The following MYRIP variants were observed in gnomAD, a reference collection of about 807,000 sequenced individuals.
MYRIP encodes the protein rab effector MyRIP.
Under a neutral mutation model 98.0 loss-of-function variants are expected in MYRIP, and 49 were observed. That is an observed-to-expected ratio of 0.50 (90% CI 0.40 to 0.63). The LOEUF (loss-of-function observed/expected upper bound fraction) is 0.63, where lower values mean the gene tolerates loss of function less well. Among genes scored for constraint, MYRIP ranks in the 30% least tolerant of loss-of-function variants. The probability of loss-of-function intolerance (pLI) is 0.00; values close to 1 mark genes in which losing one functional copy is unlikely to be tolerated. For synonymous variants in MYRIP, 404 were observed against 409.5 expected (o/e 0.99, Z 0.16); for missense variants, 1,004 against 1,058.2 (o/e 0.95, Z 0.71).
At chr3:40,097,628 C>T (rs189547624) in intron 3 of MYRIP, among the ~76,000 whole-genome samples, 3 of 152,304 alleles carry the variant, frequency 2.0e-5, no homozygotes, top group East Asian at 1.9e-4. Flanking sequence ...CCTACACGCA[C>T]GAGATCTTTG....
intron 2 of MYRIP, among the ~76,000 whole-genome samples, chr3:39,955,090 G>A (rs1008830744): frequency 6.6e-6 from 1 of 152,148 alleles, no homozygotes; most frequent in Admixed American, 6.5e-5. Context: ...AACCAAGTTG[G>A]AAAACACTCT....
intron 3 of MYRIP, among the ~76,000 whole-genome samples, chr3:40,063,204 A>G (rs1227173302): frequency 6.6e-6 from 1 of 152,244 alleles, no homozygotes; most frequent in Non-Finnish European, 1.5e-5. Flanking sequence ...GACTAAGGAG[A>G]CATGACAGCT....
At chr3:40,116,474 T>C (rs1246042328) in intron 3 of MYRIP, among the ~76,000 whole-genome samples, 1 of 152,194 alleles carries the variant, frequency 6.6e-6, no homozygotes, top group Admixed American at 6.5e-5. Flanking sequence ...TTATCTCTCT[T>C]TCATTTTCCC....
intron 2 of MYRIP, among the ~76,000 whole-genome samples, chr3:40,031,101 A>G (rs916737251): frequency 2.6e-5 from 4 of 152,048 alleles, no homozygotes; most frequent in Non-Finnish European, 5.9e-5. Context: ...AAAGAAATGT[A>G]TTTCTCACAG....
chr3:39,881,762 G>A (rs1203108064), intron 1 of MYRIP, among the ~76,000 whole-genome samples: 2 of 151,904 alleles, frequency 1.3e-5, no homozygotes, highest in East Asian at 1.9e-4. Flanking sequence ...AGCTCTTACC[G>A]AACAAATAGC....
chr3:40,241,033 G>A (rs1282814956), intron 12 of MYRIP, among the ~76,000 whole-genome samples: 1 of 152,190 alleles, frequency 6.6e-6, no homozygotes, highest in African/African-American at 2.4e-5. Context: ...CCAGGGAACA[G>A]GGCAGGACAA....
chr3:39,843,062 G>T (rs35131455), intron 1 of MYRIP, among the ~76,000 whole-genome samples: 1 of 152,064 alleles, frequency 6.6e-6, no homozygotes, highest in South Asian at 2.1e-4. Flanking sequence ...TGTGAAACCC[G>T]CAGTGGATCA....
intron 2 of MYRIP, among the ~76,000 whole-genome samples, chr3:39,982,926 C>T (rs1945930861): frequency 6.6e-6 from 1 of 152,150 alleles, no homozygotes; most frequent in South Asian, 2.1e-4. Context: ...CCATAAATTT[C>T]AGTTGTGTAG....
intron 1 of MYRIP, among the ~76,000 whole-genome samples, chr3:39,830,726 A>C (rs933748116): frequency 6.6e-6 from 1 of 152,006 alleles, no homozygotes; most frequent in Admixed American, 6.6e-5. Flanking sequence ...CATGTTTCTC[A>C]TGGGCTTACA....
At chr3:39,809,157 G>A (rs1021720993), upstream of MYRIP, among the ~76,000 whole-genome samples, 1 of 152,156 alleles carries the variant, frequency 6.6e-6, no homozygotes, top group Non-Finnish European at 1.5e-5. Flanking sequence ...GATTCAGGCA[G>A]GCCCCGGATT....
At chr3:39,927,619 G>T (rs1292883475) in intron 2 of MYRIP, among the ~76,000 whole-genome samples, 1 of 151,926 alleles carries the variant, frequency 6.6e-6, no homozygotes, top group Non-Finnish European at 1.5e-5. Flanking sequence ...CAGACATACA[G>T]AGAAGAGCTG....
intron 3 of MYRIP, among the ~76,000 whole-genome samples, chr3:40,048,909 T>G (rs1323263894): frequency 2.0e-5 from 3 of 152,172 alleles, no homozygotes; most frequent in African/African-American, 7.2e-5. Context: ...TTTGTCATTT[T>G]TTCATTATAT....
At chr3:39,831,873 T>C (rs28641097) in intron 1 of MYRIP, among the ~76,000 whole-genome samples, 30,044 of 152,146 alleles carry the variant, frequency 0.2, 3,082 homozygotes, top group South Asian at 0.29. Context: ...AGAACCATCT[T>C]GTGGGATGGT....
chr3:39,855,336 C>T (rs1409771622), intron 1 of MYRIP, among the ~76,000 whole-genome samples: 1 of 152,080 alleles, frequency 6.6e-6, no homozygotes, highest in Non-Finnish European at 1.5e-5. Flanking sequence ...CAAGTTTGCC[C>T]TAAGATGGCC....
intron 4 of MYRIP, among the ~76,000 whole-genome samples, chr3:40,161,486 G>A (rs574835618): frequency 1.2e-4 from 19 of 152,192 alleles, no homozygotes; most frequent in Non-Finnish European, 1.6e-4. Context: ...GACTTGCCCT[G>A]GTGTGCAGCT....
chr3:39,856,469 C>T (rs991134566), intron 1 of MYRIP, among the ~76,000 whole-genome samples: 1 of 152,204 alleles, frequency 6.6e-6, no homozygotes, highest in South Asian at 2.1e-4. Context: ...CATTTGAATG[C>T]ACAGTAGAAC....
At position 40,151,166 on chromosome 3, in the gene MYRIP, G is replaced by A. The variant is rs144178949; in HGVS notation, c.451G>A (p.Ala151Thr). ...CAGGAAGCACCGGCTGGAGAGTGGC[G>A]CGTGCTTCGACATTCTAGGTACTCT... ...LYRKHRLESG[A>T]CFDILGGSLF... The change falls in exon 4 of 17, where the codon GCG becomes ACG. Residue 151 changes from alanine to threonine, a missense_variant. This residue lies in a region of MYRIP where 880 missense variants were observed against 907.7 expected (regional missense o/e 0.97). Transcript: ENST00000302541. 4.0e-5 allele frequency: 64 copies of A among 1,605,794 alleles called. No homozygotes were observed. Among genetic ancestry groups the A allele is most frequent in the Middle Eastern group, 3.7e-4 (2 of 5,352 alleles).
chr3:39,955,262 A>C (rs1228052985), intron 2 of MYRIP, among the ~76,000 whole-genome samples: 1 of 152,170 alleles, frequency 6.6e-6, no homozygotes, highest in Non-Finnish European at 1.5e-5. Flanking sequence ...AAAAAATGTT[A>C]GGGGCAGCCA....
At chr3:40,078,218 C>A (rs1338204767) in intron 3 of MYRIP, among the ~76,000 whole-genome samples, 1 of 152,194 alleles carries the variant, frequency 6.6e-6, no homozygotes, top group Admixed American at 6.5e-5. Context: ...CTGGCTGCTC[C>A]GAGTGCGGCC....
Sources: allele counts gnomAD v4.1 joint callset (sites outside exome capture counted in the v4.1 genomes callset), GRCh38; gene constraint gnomAD v4.1.1; regional missense constraint gnomAD v4.1.1; transcripts MANE v1.5; gene names NCBI Gene and HGNC (gene_info 2026-07-23, HGNC 2026-07-21).